CDH4: variants seen among roughly 807,000 people sequenced by gnomAD.
CDH4 encodes the protein cadherin 4.
Under a neutral mutation model 86.0 loss-of-function variants are expected in CDH4, and 33 were observed. The observed-to-expected ratio is 0.38, with a 90% CI of 0.29 to 0.51. The LOEUF (loss-of-function observed/expected upper bound fraction) is 0.51, where lower values mean the gene tolerates loss of function less well. CDH4 is among the 20% of genes least tolerant of loss of function. The probability of loss-of-function intolerance (pLI) is 0.86; values close to 1 mark genes in which losing one functional copy is unlikely to be tolerated. For synonymous variants in CDH4, 555 were observed against 549.4 expected, an observed-to-expected ratio of 1.01 and a Z score of -0.14; for missense variants, 1,114 against 1,307.4, an observed-to-expected ratio of 0.85 and a Z score of 2.28.
At chr20:61,587,570 C>T (rs2086488106) in intron 2 of CDH4, among the ~76,000 whole-genome samples, 1 of 152,006 alleles carries the variant, frequency 6.6e-6, no homozygotes, top group Admixed American at 6.6e-5. Flanking sequence ...GAGGTTAGGG[C>T]CCAGGGACAA....
intron 6 of CDH4, among the ~76,000 whole-genome samples, chr20:61,872,732 G>A (rs118137522): frequency 0.014 from 2,128 of 152,348 alleles, 26 homozygotes; most frequent in Non-Finnish European, 0.022. Flanking sequence ...GGAAGGTGGC[G>A]GGCAGAGTCC....
At chr20:61,535,062 G>A (rs552656910) in intron 2 of CDH4, among the ~76,000 whole-genome samples, 6 of 152,202 alleles carry the variant, frequency 3.9e-5, no homozygotes, top group African/African-American at 1.4e-4. Context: ...TCATGTGGAG[G>A]TTCTGTCCTT....
intron 2 of CDH4, among the ~76,000 whole-genome samples, chr20:61,445,793 G>A (rs546199736): frequency 3.0e-4 from 45 of 152,254 alleles, no homozygotes; most frequent in Admixed American, 6.5e-4. Context: ...AGGATGTGAC[G>A]TGCTGGCTGG....
At chr20:61,533,806 C>T (rs141136756) in intron 2 of CDH4, among the ~76,000 whole-genome samples, 18 of 152,320 alleles carry the variant, frequency 1.2e-4, no homozygotes, top group Non-Finnish European at 2.4e-4. Flanking sequence ...TACCCACAAC[C>T]CTGGTGGGAA....
At chr20:61,514,076 G>A (rs2085799617) in intron 2 of CDH4, among the ~76,000 whole-genome samples, 2 of 152,236 alleles carry the variant, frequency 1.3e-5, no homozygotes, top group Admixed American at 6.5e-5. Context: ...GAAGCTACAG[G>A]CAAAATCATA....
rs71323531 is a variant in CDH4, at chr20:61,863,967, C to T, written c.878-9761C>T. Among the ~76,000 whole-genome samples, 535 of 152,346 alleles carry T rather than the reference C, an allele frequency of 3.5e-3. 6 individuals are homozygous for T. The highest frequency in any genetic ancestry group is 0.017 in the Middle Eastern group (5 of 294). On this transcript the variant is annotated intron_variant, in intron 6 of 15. Coordinates refer to ENST00000614565, the MANE Select transcript of CDH4 (RefSeq NM_001794.5). ...CTTGGGCGGGTGGACTGGAGCCCTG[C>T]CCCACAATTCACATCCATCCAGCAC...
In CDH4 at chr20:61,512,549, A is replaced by C. The variant is rs374554498; in HGVS notation, c.170-231014A>C. Among the ~76,000 whole-genome samples, 9 of 152,328 alleles carry C rather than the reference A, an allele frequency of 5.9e-5. No individual in the cohort carries two copies. In the East Asian group the frequency reaches 1.2e-3, roughly 20 times the overall value. On this transcript the variant is annotated intron_variant, in intron 2 of 15. Transcript: ENST00000614565. ...CTAGTTCTACAAGTGCCAGCTTATAAAAGACCAAAAGTAGGTCATGGGAGG... is the reference window on the plus strand; with the variant it reads ...CTAGTTCTACAAGTGCCAGCTTATACAAGACCAAAAGTAGGTCATGGGAGG...
At position 61,317,975 on chromosome 20, in the gene CDH4, G is replaced by A. The variant is rs185273046; in HGVS notation, c.169+63038G>A. Reference sequence around the variant, plus strand: ...TTGTGCACACTTATTGGAGGAAAACGCCAACTGTGTTTGTTCTTAGCAAAC... The same window carrying A: ...TTGTGCACACTTATTGGAGGAAAACACCAACTGTGTTTGTTCTTAGCAAAC... On this transcript the variant is annotated intron_variant, in intron 2 of 15. Transcript: ENST00000614565. Among the ~76,000 whole-genome samples the A allele has an allele frequency of 2.0e-5, 3 of 152,322 alleles. No homozygotes were observed. The East Asian group carries it at 5.8e-4, about 29-fold the overall frequency.
chr20:61,853,193 C>T (rs113505529), intron 6 of CDH4, among the ~76,000 whole-genome samples: 6 of 152,270 alleles, frequency 3.9e-5, no homozygotes, highest in African/African-American at 7.2e-5. Flanking sequence ...CCTGGGCAGG[C>T]CCCTCTGTGC....
chr20:61,482,648 T>G (rs2145580346), intron 2 of CDH4, among the ~76,000 whole-genome samples: 1 of 152,268 alleles, frequency 6.6e-6, no homozygotes, highest in Non-Finnish European at 1.5e-5. Flanking sequence ...TGGGTTTTAC[T>G]CAGCTGACTC....
At chr20:61,812,748 T>C (rs1462506433) in intron 4 of CDH4, among the ~76,000 whole-genome samples, 1 of 152,230 alleles carries the variant, frequency 6.6e-6, no homozygotes, top group Non-Finnish European at 1.5e-5. Context: ...TTTTCCACGA[T>C]TTGCATTTGT....
chr20:61,743,550 C>T lies in CDH4; in HGVS notation c.170-13C>T, dbSNP rs1051866961. The T allele has an allele frequency of 5.2e-6, 8 of 1,552,300 alleles. 1 individual carries two copies. Among genetic ancestry groups the T allele is most frequent in the Non-Finnish European group, 7.0e-6 (8 of 1,146,042 alleles). ...GCCAAGCCGACCCTGACTCTCTCCC[C>T]CTCCTCTTGCAGTCAAGTTCAGCAG... On this transcript the variant is annotated splice_polypyrimidine_tract_variant and intron_variant, in intron 2 of 15. Transcript: ENST00000614565.
chr20:61,619,188 G>A (rs1438850299), intron 2 of CDH4, among the ~76,000 whole-genome samples: 1 of 152,148 alleles, frequency 6.6e-6, no homozygotes, highest in Non-Finnish European at 1.5e-5. Context: ...GAGCAGATTG[G>A]GGCATGTCTG....
At chr20:61,700,395 G>A (rs1451293843) in intron 2 of CDH4, among the ~76,000 whole-genome samples, 1 of 152,200 alleles carries the variant, frequency 6.6e-6, no homozygotes, top group Non-Finnish European at 1.5e-5. Context: ...CTGTCCTTGG[G>A]CTTATATTAG....
chr20:61,822,120 C>G (rs554814084), intron 4 of CDH4, among the ~76,000 whole-genome samples: 75 of 152,342 alleles, frequency 4.9e-4, no homozygotes, highest in Middle Eastern at 6.8e-3. Context: ...TAATGATTTA[C>G]TTATTTGCAG....
chr20:61,813,558 A>G (rs920799796), intron 4 of CDH4, among the ~76,000 whole-genome samples: 54 of 152,272 alleles, frequency 3.5e-4, no homozygotes, highest in African/African-American at 1.3e-3. Flanking sequence ...CAAATGCTGT[A>G]TAAGCATCGC....
At chr20:61,369,652 A>C (rs2084829487) in intron 2 of CDH4, among the ~76,000 whole-genome samples, 1 of 151,948 alleles carries the variant, frequency 6.6e-6, no homozygotes, top group Non-Finnish European at 1.5e-5. Flanking sequence ...ATCTACATGA[A>C]GGAATTACAG....
intron 2 of CDH4, among the ~76,000 whole-genome samples, chr20:61,707,435 C>G (rs1037221223): frequency 1.3e-5 from 2 of 152,226 alleles, no homozygotes; most frequent in African/African-American, 4.8e-5. Context: ...CAGGCAGCCC[C>G]ACTGGCTATG....
chr20:61,331,199 G>A (rs939708103), intron 2 of CDH4, among the ~76,000 whole-genome samples: 6 of 151,980 alleles, frequency 3.9e-5, no homozygotes, highest in African/African-American at 1.5e-4. Flanking sequence ...AGCCTGCCAT[G>A]GCCACAGCTG....
Sources: allele counts gnomAD v4.1 joint callset (sites outside exome capture counted in the v4.1 genomes callset), GRCh38; gene constraint gnomAD v4.1.1; transcripts MANE v1.5; gene names NCBI Gene and HGNC (gene_info 2026-07-23, HGNC 2026-07-21).